Variants in MSRB3 observed in about 807,000 individuals in gnomAD.
MSRB3 encodes the protein methionine sulfoxide reductase B3.
In MSRB3, 13 loss-of-function variants were observed where a neutral mutation model predicts 21.0. The ratio of observed to expected loss-of-function variants is 0.62; its 90% CI spans 0.40 to 0.98. MSRB3 has a LOEUF of 0.98. Ranked by LOEUF, MSRB3 falls within the 50% of genes least tolerant of loss-of-function variation. MSRB3 has a pLI of 0.00. For missense variants in MSRB3, 199 were observed against 230.3 expected (o/e 0.86, Z 0.88); for synonymous variants, 87 against 88.6 (o/e 0.98, Z 0.10).
intron 4 of MSRB3, among the ~76,000 whole-genome samples, chr12:65,332,731 CTCA>C (rs1163809106): frequency 1.3e-5 from 2 of 152,130 alleles, no homozygotes; most frequent in Admixed American, 1.3e-4. Flanking sequence ...GAGCATAATC[CTCA>C]TCATTTACTT....
intron 4 of MSRB3, among the ~76,000 whole-genome samples, chr12:65,363,900 T>G (rs1877850715): frequency 6.6e-6 from 1 of 152,072 alleles, no homozygotes; most frequent in South Asian, 2.1e-4. Flanking sequence ...GCAGGAGAAT[T>G]GCTTGAACCC....
intron 4 of MSRB3, among the ~76,000 whole-genome samples, chr12:65,363,819 C>A (rs1418947230): frequency 6.6e-6 from 1 of 152,042 alleles, no homozygotes; most frequent in Non-Finnish European, 1.5e-5. Flanking sequence ...AACCCCGTCT[C>A]TACTAAAAAT....
chr12:65,367,047 G>T (rs1335182361), intron 4 of MSRB3, among the ~76,000 whole-genome samples: 3 of 152,216 alleles, frequency 2.0e-5, no homozygotes, highest in Non-Finnish European at 2.9e-5. Flanking sequence ...GTTTAGTAAA[G>T]TATGGACAGT....
intron 1 of MSRB3, among the ~76,000 whole-genome samples, chr12:65,288,507 C>A (rs780273531): frequency 6.6e-6 from 1 of 152,058 alleles, no homozygotes; most frequent in Non-Finnish European, 1.5e-5. Context: ...AACTTCGTAG[C>A]CTAGTGTGCC....
intron 1 of MSRB3, chr12:65,284,783 C>T (rs1872243861): frequency 6.6e-6 from 1 of 152,250 alleles, no homozygotes; most frequent in Non-Finnish European, 1.5e-5. Context: ...TGTTCACGAG[C>T]TTTCCTTGTT....
chr12:65,375,865 G>T (rs1439286088), intron 5 of MSRB3, among the ~76,000 whole-genome samples: 3 of 148,054 alleles, frequency 2.0e-5, no homozygotes, highest in African/African-American at 2.5e-5. Flanking sequence ...CAGTTTTATT[G>T]TTTGGTAGTC....
Position 65,424,046 on chromosome 12 carries a change from T to A in MSRB3, c.293-29682T>A, listed in dbSNP as rs370243518. On this transcript the variant is annotated intron_variant, in intron 5 of 6. Transcript: ENST00000308259. ...TGGTCTCTTCACATTTTCTTTTACC[T>A]CATGATTGAGTCTTAGTATGATGTA... 2.6e-5 allele frequency among the ~76,000 whole-genome samples: 4 copies of A among 152,326 alleles called. No homozygotes were observed. The East Asian group carries it at 7.7e-4, about 29-fold the overall frequency.
At chr12:65,400,572 A>C (rs772906085) in intron 5 of MSRB3, among the ~76,000 whole-genome samples, 1 of 152,048 alleles carries the variant, frequency 6.6e-6, no homozygotes, top group African/African-American at 2.4e-5. Flanking sequence ...TCCTGGATTC[A>C]TTGATTTTTT....
At chr12:65,311,982 A>G (rs1874015574) in intron 2 of MSRB3, among the ~76,000 whole-genome samples, 1 of 151,956 alleles carries the variant, frequency 6.6e-6, no homozygotes, top group Non-Finnish European at 1.5e-5. Context: ...CATGTTTGCA[A>G]TTAAAGGTAA....
chr12:65,373,569 A>C (rs1371268053), intron 5 of MSRB3, among the ~76,000 whole-genome samples: 1 of 152,050 alleles, frequency 6.6e-6, no homozygotes, highest in Non-Finnish European at 1.5e-5. Context: ...GCTTATGTTT[A>C]GTGCTTGTTG....
chr12:65,288,445 A>G (rs117876567), intron 1 of MSRB3, among the ~76,000 whole-genome samples: 1 of 152,192 alleles, frequency 6.6e-6, no homozygotes, highest in African/African-American at 2.4e-5. Flanking sequence ...CAAGTTGACT[A>G]TCTTGTGCGA....
At chr12:65,295,102 T>C (rs1872883620) in intron 1 of MSRB3, among the ~76,000 whole-genome samples, 1 of 152,214 alleles carries the variant, frequency 6.6e-6, no homozygotes, top group South Asian at 2.1e-4. Flanking sequence ...AGTGCTGAGA[T>C]TACAGGCGTG....
At chr12:65,304,154 A>T (rs971825988) in intron 1 of MSRB3, among the ~76,000 whole-genome samples, 2 of 152,198 alleles carry the variant, frequency 1.3e-5, no homozygotes, top group Admixed American at 1.3e-4. Flanking sequence ...ATTGAGACGA[A>T]GTTAAGCAGC....
chr12:65,382,855 C>CGTGTATATATATACATGCATATATGT (rs1879013019), intron 5 of MSRB3, among the ~76,000 whole-genome samples: 2 of 151,820 alleles, frequency 1.3e-5, no homozygotes, highest in Non-Finnish European at 2.9e-5. Flanking sequence ...CCACCACACA[C>CGTGTATATATATACATGCATATATGT]GTGTATATAT....
At chr12:65,433,365 GA>G (rs1189275028) in intron 5 of MSRB3, among the ~76,000 whole-genome samples, 4 of 151,622 alleles carry the variant, frequency 2.6e-5, no homozygotes, top group Admixed American at 2.0e-4. Context: ...AAAACTTCCA[GA>G]AAAAAACTTC....
At chr12:65,372,082 A>C (rs996850464) in intron 5 of MSRB3, among the ~76,000 whole-genome samples, 5 of 152,216 alleles carry the variant, frequency 3.3e-5, no homozygotes, top group African/African-American at 1.2e-4. Flanking sequence ...TACAATCCAG[A>C]AATTATAGAT....
At chr12:65,434,712 G>A (rs1882040273) in intron 5 of MSRB3, among the ~76,000 whole-genome samples, 1 of 151,892 alleles carries the variant, frequency 6.6e-6, no homozygotes, top group Admixed American at 6.6e-5. Flanking sequence ...TAATGAGATA[G>A]TAAATAGGAG....
chr12:65,411,114 G>A (rs1287605901), intron 5 of MSRB3, among the ~76,000 whole-genome samples: 1 of 152,142 alleles, frequency 6.6e-6, no homozygotes, highest in Non-Finnish European at 1.5e-5. Flanking sequence ...AGTAAATAGA[G>A]GCCTGTTTTC....
At chr12:65,400,576 A>AT (rs1420288849) in intron 5 of MSRB3, among the ~76,000 whole-genome samples, 2 of 151,830 alleles carry the variant, frequency 1.3e-5, no homozygotes, top group Admixed American at 6.6e-5. Flanking sequence ...GGATTCATTG[A>AT]TTTTTTTGAA....
Sources: allele counts gnomAD v4.1 joint callset (sites outside exome capture counted in the v4.1 genomes callset), GRCh38; gene constraint gnomAD v4.1.1; transcripts MANE v1.5; gene names NCBI Gene and HGNC (gene_info 2026-07-23, HGNC 2026-07-21).